Variants in IQCJ observed in about 807,000 individuals in gnomAD.
The protein encoded by IQCJ is IQ motif containing J, also known as IQ domain-containing protein J.
A neutral mutation model predicts 11.0 loss-of-function variants in IQCJ; 9 were observed. The observed-to-expected ratio is 0.82, with a 90% CI of 0.49 to 1.43. The LOEUF is 1.43. Among genes scored for constraint, IQCJ ranks in the 40% most tolerant of loss-of-function variants. The pLI, the probability that IQCJ is intolerant of heterozygous loss-of-function variation, is 0.00. For missense variants in IQCJ, 146 were observed against 133.2 expected (o/e 1.10, Z -0.47); for synonymous variants, 55 against 51.3 (o/e 1.07, Z -0.31).
chr3:159,254,942 T>C (rs2108220676), intron 3 of IQCJ, among the ~76,000 whole-genome samples: 1 of 152,362 alleles, frequency 6.6e-6, no homozygotes, highest in African/African-American at 2.4e-5. Flanking sequence ...AATGGGTTTG[T>C]GCCCCTTGCT....
chr3:159,092,771 A>G (rs890119834), intron 1 of IQCJ, among the ~76,000 whole-genome samples: 3 of 148,674 alleles, frequency 2.0e-5, no homozygotes, highest in African/African-American at 7.5e-5. Context: ...GTAAACTGTT[A>G]TAAGATAATA....
intron 1 of IQCJ, among the ~76,000 whole-genome samples, chr3:159,138,421 G>A (rs1720419894): frequency 1.3e-5 from 2 of 152,114 alleles, no homozygotes; most frequent in Non-Finnish European, 1.5e-5. Flanking sequence ...GAGAGACTAT[G>A]AGACTTATCC....
At chr3:159,169,279 CTTTTTTTTTTTT>C (rs141888128) in intron 1 of IQCJ, among the ~76,000 whole-genome samples, 4 of 56,404 alleles carry the variant, frequency 7.1e-5, no homozygotes, top group African/African-American at 2.3e-4. Flanking sequence ...TTCTTTCTTT[CTTTTTTTTTTTT>C]TTTTTTTTTT....
chr3:159,084,446 G>A (rs188551724), intron 1 of IQCJ, among the ~76,000 whole-genome samples: 1 of 152,174 alleles, frequency 6.6e-6, no homozygotes, highest in East Asian at 1.9e-4. Flanking sequence ...TGATGAGCTT[G>A]CCCAGCGAGT....
chr3:159,204,035 A>G (rs1459522661), intron 1 of IQCJ, among the ~76,000 whole-genome samples: 4 of 152,184 alleles, frequency 2.6e-5, no homozygotes. Flanking sequence ...AGGCCCCAGT[A>G]GGCATAAGAA....
intron 1 of IQCJ, among the ~76,000 whole-genome samples, chr3:159,192,872 C>T (rs916046362): frequency 6.6e-6 from 1 of 152,146 alleles, no homozygotes; most frequent in Non-Finnish European, 1.5e-5. Flanking sequence ...GTTAGCCTCT[C>T]TCAAGGGGAA....
In IQCJ at chr3:159,089,929, T is replaced by C. The variant is rs374983526; in HGVS notation, c.9+20488T>C. Among the ~76,000 whole-genome samples the C allele has an allele frequency of 7.9e-5, 12 of 152,064 alleles. 1 individual carries two copies. The highest frequency in any genetic ancestry group is 2.4e-4 in the African/African-American group (10 of 41,306). On this transcript the variant is annotated intron_variant, in intron 1 of 3. Coordinates refer to ENST00000397832, the MANE Select transcript of IQCJ (RefSeq NM_001042706.3). ...CCTTCTTCTCTCAGCTCGTCAAAGT[T>C]ATTCTCCATCCAGCTTTGTTCTGTT... is the stretch of plus-strand genomic sequence containing the variant.
intron 1 of IQCJ, among the ~76,000 whole-genome samples, chr3:159,092,482 G>A (rs905344502): frequency 6.6e-6 from 1 of 151,758 alleles, no homozygotes; most frequent in African/African-American, 2.4e-5. Flanking sequence ...GGCGGATCAC[G>A]AGATCAGGAG....
At position 159,261,576 on chromosome 3, in the gene IQCJ, G is replaced by A. The variant is rs140236687; in HGVS notation, c.156-972G>A. Among the ~76,000 whole-genome samples the A allele has an allele frequency of 5.9e-3, 895 of 152,286 alleles. 7 individuals carry two copies. The highest frequency in any genetic ancestry group is 0.02 in the African/African-American group (827 of 41,556). On this transcript the variant is annotated intron_variant, in intron 3 of 3. Coordinates refer to ENST00000397832, the MANE Select transcript of IQCJ (RefSeq NM_001042706.3). ...GGGGCTTCCCCCTTTACTCAGAAGA[G>A]GTGCCTTCTGCCATGATTGTAAGTT...
At chr3:159,083,261 A>G (rs1392547534) in intron 1 of IQCJ, among the ~76,000 whole-genome samples, 1 of 152,182 alleles carries the variant, frequency 6.6e-6, no homozygotes, top group Non-Finnish European at 1.5e-5. Flanking sequence ...TCTTTCAACC[A>G]TAAATAACCC....
At chr3:159,089,264 T>A (rs950905597) in intron 1 of IQCJ, among the ~76,000 whole-genome samples, 2 of 152,230 alleles carry the variant, frequency 1.3e-5, no homozygotes, top group Non-Finnish European at 2.9e-5. Context: ...CTCTTCTGGC[T>A]TGTAGCGTTT....
At chr3:159,174,528 G>T (rs1192777193) in intron 1 of IQCJ, among the ~76,000 whole-genome samples, 1 of 151,954 alleles carries the variant, frequency 6.6e-6, no homozygotes, top group Non-Finnish European at 1.5e-5. Context: ...GGATCATTAA[G>T]AATATATCTA....
intron 1 of IQCJ, among the ~76,000 whole-genome samples, chr3:159,154,319 A>G (rs994994271): frequency 6.6e-6 from 1 of 152,204 alleles, no homozygotes; most frequent in Non-Finnish European, 1.5e-5. Context: ...ATGAAGGCCC[A>G]ATCCATGGAC....
chr3:159,079,622 AAT>A (rs1312316497), intron 1 of IQCJ, among the ~76,000 whole-genome samples: 2 of 152,158 alleles, frequency 1.3e-5, no homozygotes, highest in Admixed American at 6.6e-5. Flanking sequence ...TTAAAAAATA[AAT>A]ATGTTTTAAC....
At chr3:159,106,686 C>T (rs969800512) in intron 1 of IQCJ, among the ~76,000 whole-genome samples, 5 of 152,116 alleles carry the variant, frequency 3.3e-5, no homozygotes, top group African/African-American at 9.7e-5. Flanking sequence ...ACACTATCTA[C>T]GTAGAGTTAG....
intron 1 of IQCJ, among the ~76,000 whole-genome samples, chr3:159,233,670 G>A (rs1281769278): frequency 3.9e-5 from 6 of 152,126 alleles, no homozygotes; most frequent in Non-Finnish European, 8.8e-5. Context: ...GCTCAAAGGA[G>A]TCACACAGCC....
chr3:159,103,265 G>A (rs557848846), intron 1 of IQCJ, among the ~76,000 whole-genome samples: 1 of 152,264 alleles, frequency 6.6e-6, no homozygotes, highest in African/African-American at 2.4e-5. Flanking sequence ...ATATTTGCAG[G>A]AAATACGTGG....
chr3:159,143,827 C>T (rs980669883), intron 1 of IQCJ, among the ~76,000 whole-genome samples: 1 of 152,166 alleles, frequency 6.6e-6, no homozygotes, highest in Non-Finnish European at 1.5e-5. Context: ...TTATAAAGAA[C>T]AGAAATTTAT....
At chr3:159,124,281 C>A (rs757547164) in intron 1 of IQCJ, among the ~76,000 whole-genome samples, 13 of 152,304 alleles carry the variant, frequency 8.5e-5, no homozygotes, top group Non-Finnish European at 1.5e-4. Context: ...CTACTCTGAC[C>A]TCATCCGACG....
Sources: allele counts gnomAD v4.1 joint callset (sites outside exome capture counted in the v4.1 genomes callset), GRCh38; gene constraint gnomAD v4.1.1; transcripts MANE v1.5; gene names NCBI Gene and HGNC (gene_info 2026-07-23, HGNC 2026-07-21).